Variants in AFF2 observed in about 807,000 individuals in gnomAD.
AFF2 encodes AF4/FMR2 family member 2.
A neutral mutation model predicts 76.9 loss-of-function variants in AFF2; 14 were observed. That is an observed-to-expected ratio of 0.18 (90% CI 0.12 to 0.28). The LOEUF (loss-of-function observed/expected upper bound fraction) is 0.28, where lower values mean the gene tolerates loss of function less well. Ranked by LOEUF, AFF2 falls within the 10% of genes least tolerant of loss-of-function variation. The pLI, the probability that AFF2 is intolerant of heterozygous loss-of-function variation, is 1.00. For synonymous variants in AFF2, 398 were observed against 366.7 expected, an observed-to-expected ratio of 1.09 and a Z score of -0.98; for missense variants, 868 against 1,001.1, an observed-to-expected ratio of 0.87 and a Z score of 1.79.
intron 3 of AFF2, among the ~76,000 whole-genome samples, chrX:148,783,851 G>A (rs146212495): frequency 0.016 from 1,761 of 111,442 alleles, 17 homozygotes; most frequent in Middle Eastern, 0.023. Flanking sequence ...TTCTCTTAAG[G>A]GGACCTGTGA....
chrX:148,704,963 G>A (rs781788742), intron 3 of AFF2, among the ~76,000 whole-genome samples: 14 of 110,956 alleles, frequency 1.3e-4, no homozygotes, highest in South Asian at 3.8e-4. Flanking sequence ...TACCGTGCCC[G>A]GCCCCCATCT....
At chrX:148,829,105 C>T (rs2070422607) in intron 4 of AFF2, among the ~76,000 whole-genome samples, 1 of 112,347 alleles carries the variant, frequency 8.9e-6, no homozygotes, top group African/African-American at 3.2e-5. Flanking sequence ...TACAGAATTC[C>T]ATTATTTATT....
intron 4 of AFF2, among the ~76,000 whole-genome samples, chrX:148,829,506 T>C (rs1255414921): frequency 2.7e-5 from 3 of 111,643 alleles, no homozygotes; most frequent in Non-Finnish European, 3.8e-5. Context: ...TGTGAGACAA[T>C]AGGCTCCCCT....
chrX:148,681,583 TGAGAGA>T (rs67689552), intron 3 of AFF2, among the ~76,000 whole-genome samples: 1 of 90,023 alleles, frequency 1.1e-5, no homozygotes, highest in African/African-American at 4.9e-5. Flanking sequence ...TGTGTGTGTG[TGAGAGA>T]GAGAGAATGA....
At position 148,916,256 on chromosome X, in the gene AFF2, T is replaced by C. The variant is rs112509796; in HGVS notation, c.1397+11998T>C. ...ACGGAGTCTTGCTTTGTCGCCCAGG[T>C]TGGAGTGCAGTGGCGCGATCTCGGC... On this transcript the variant is annotated intron_variant, in intron 9 of 20. Transcript: ENST00000370460. Among the ~76,000 whole-genome samples, 759 of 87,016 alleles carry C rather than the reference T, an allele frequency of 8.7e-3. 17 individuals are homozygous for C. Among genetic ancestry groups the C allele is most frequent in the Middle Eastern group, 0.034 (4 of 118 alleles). 75.6% of individuals were successfully genotyped at this position (87,016 alleles called of 115,157 possible).
At chrX:148,604,358 GA>G (rs1411556745) in intron 1 of AFF2, among the ~76,000 whole-genome samples, 2 of 112,550 alleles carry the variant, frequency 1.8e-5, no homozygotes, top group African/African-American at 6.5e-5. Context: ...ATAAAAACTA[GA>G]TGGTCACTTT....
chrX:148,540,636 G>T (rs1180243800), intron 1 of AFF2, among the ~76,000 whole-genome samples: 1 of 110,597 alleles, frequency 9.0e-6, no homozygotes, highest in Non-Finnish European at 1.9e-5. Context: ...TTTGGGAGCT[G>T]CTCTCCCAGT....
chrX:148,819,134 G>A (rs1230009641), intron 4 of AFF2, among the ~76,000 whole-genome samples: 4 of 111,237 alleles, frequency 3.6e-5, no homozygotes, highest in South Asian at 7.6e-4. Context: ...AGATAATGAT[G>A]TGGAAGTACT....
intron 3 of AFF2, among the ~76,000 whole-genome samples, chrX:148,768,454 G>A (rs1015113989): frequency 3.6e-5 from 4 of 110,696 alleles, no homozygotes; most frequent in African/African-American, 1.3e-4. Context: ...CAGACGTGAA[G>A]CCTGCTGTTA....
chrX:148,844,468 T>C (rs909849724), intron 7 of AFF2, among the ~76,000 whole-genome samples: 2 of 112,456 alleles, frequency 1.8e-5, no homozygotes, highest in Admixed American at 1.9e-4. Flanking sequence ...TTGTAGATTT[T>C]CTAATATCCA....
chrX:148,744,063 C>T (rs1395773305), intron 3 of AFF2, among the ~76,000 whole-genome samples: 3 of 110,849 alleles, frequency 2.7e-5, no homozygotes, highest in African/African-American at 9.8e-5. Flanking sequence ...TAATTTTTTA[C>T]GTTATATGCC....
rs782061982 is a variant in AFF2, at chrX:148,916,365, A to G, written c.1397+12107A>G. Reference sequence around the variant, plus strand: ...GCTGGGACTACAGGCGCCCGCCACCACGCCCGGCTAATTTTTTTGTGTTTT... The same window carrying G: ...GCTGGGACTACAGGCGCCCGCCACCGCGCCCGGCTAATTTTTTTGTGTTTT... On this transcript the variant is annotated intron_variant, in intron 9 of 20. Transcript: ENST00000370460. 3.8e-5 allele frequency among the ~76,000 whole-genome samples: 4 copies of G among 106,620 alleles called. No individual in the cohort carries two copies. In the South Asian group the frequency reaches 1.3e-3, roughly 35 times the overall value. 92.6% of individuals were successfully genotyped at this position (106,620 alleles called of 115,157 possible).
intron 3 of AFF2, among the ~76,000 whole-genome samples, chrX:148,709,017 A>G (rs1294850212): frequency 9.0e-6 from 1 of 111,505 alleles, no homozygotes; most frequent in African/African-American, 3.3e-5. Context: ...ATCTCTTTGT[A>G]TTAGTATTGT....
chrX:148,754,556 T>C (rs1348269955), intron 3 of AFF2, among the ~76,000 whole-genome samples: 1 of 111,006 alleles, frequency 9.0e-6, no homozygotes, highest in Non-Finnish European at 1.9e-5. Flanking sequence ...ATCTGACCTT[T>C]CTTAATCTCA....
intron 3 of AFF2, among the ~76,000 whole-genome samples, chrX:148,678,825 A>G (rs782796585): frequency 8.9e-6 from 1 of 112,145 alleles, no homozygotes; most frequent in African/African-American, 3.2e-5. Context: ...TGGGGAAAAG[A>G]AAGGAAATTG....
intron 3 of AFF2, among the ~76,000 whole-genome samples, chrX:148,802,761 A>ACTTTCT (rs1378280512): frequency 1.8e-5 from 2 of 111,905 alleles, no homozygotes; most frequent in Non-Finnish European, 3.8e-5. Context: ...GTAATTGTTT[A>ACTTTCT]CTTTCTCTAT....
chrX:148,678,893 G>C (rs2054515132), intron 3 of AFF2, among the ~76,000 whole-genome samples: 1 of 111,174 alleles, frequency 9.0e-6, no homozygotes, highest in African/African-American at 3.3e-5. Context: ...TTAGAGTTTG[G>C]TAAGATTGAA....
chrX:148,926,067 G>C (rs1557283746), intron 9 of AFF2, among the ~76,000 whole-genome samples: 1 of 112,111 alleles, frequency 8.9e-6, no homozygotes, highest in African/African-American at 3.2e-5. Flanking sequence ...GTAAGTGCTG[G>C]ATAAGTATCT....
intron 3 of AFF2, among the ~76,000 whole-genome samples, chrX:148,720,172 G>T (rs782385743): frequency 9.0e-6 from 1 of 110,959 alleles, no homozygotes; most frequent in South Asian, 3.8e-4. Context: ...TGCTGAAGTG[G>T]CTGCTGAGTT....
Sources: allele counts gnomAD v4.1 joint callset (sites outside exome capture counted in the v4.1 genomes callset), GRCh38; gene constraint gnomAD v4.1.1; transcripts MANE v1.5; gene names NCBI Gene and HGNC (gene_info 2026-07-23, HGNC 2026-07-21).